The following COQ5 variants were observed in gnomAD, a reference collection of about 807,000 sequenced individuals.
COQ5 encodes the protein coenzyme Q5, methyltransferase.
In COQ5, 27 loss-of-function variants were observed where a neutral mutation model predicts 40.5. That is an observed-to-expected ratio of 0.67 (90% CI 0.49 to 0.92). COQ5 has a LOEUF of 0.92. COQ5 is among the 40% of genes least tolerant of loss of function. The probability of loss-of-function intolerance (pLI) is 0.00; values close to 1 mark genes in which losing one functional copy is unlikely to be tolerated. For synonymous variants in COQ5, 141 were observed against 150.0 expected (o/e 0.94, Z 0.44); for missense variants, 409 against 406.4 (o/e 1.01, Z -0.06).
chr12:120,527,552 A>G (rs910251320), intron 1 of COQ5, among the ~76,000 whole-genome samples: 2 of 152,144 alleles, frequency 1.3e-5, no homozygotes. Flanking sequence ...GTCTTGCATT[A>G]CTGTGCACAG....
chr12:120,510,363 G>A (rs908492231), intron 3 of COQ5, among the ~76,000 whole-genome samples: 11 of 152,052 alleles, frequency 7.2e-5, no homozygotes, highest in African/African-American at 2.4e-4. Flanking sequence ...ACCCAGGCTG[G>A]AGTACAGTGG....
intron 3 of COQ5, among the ~76,000 whole-genome samples, chr12:120,510,324 T>G (rs1022607776): frequency 2.0e-5 from 3 of 152,156 alleles, no homozygotes; most frequent in African/African-American, 7.2e-5. Flanking sequence ...TTATTATTTT[T>G]TTTAGACATG....
chr12:120,528,856 G>T (rs55848094), intron 1 of COQ5, 84 bp downstream of exon 1: 1 of 1,218,284 alleles, frequency 8.2e-7, no homozygotes, highest in African/African-American at 1.5e-5. Flanking sequence ...GAACTAATTG[G>T]ATGTTAAATC....
At chr12:120,508,714 T>C (rs1020511382) in intron 4 of COQ5, among the ~76,000 whole-genome samples, 2 of 152,156 alleles carry the variant, frequency 1.3e-5, no homozygotes, top group Non-Finnish European at 2.9e-5. Context: ...TTGTGCCTTT[T>C]GAACTTTGAA....
chr12:120,511,896 C>T (rs1229869576), intron 3 of COQ5, among the ~76,000 whole-genome samples: 1 of 152,126 alleles, frequency 6.6e-6, no homozygotes, highest in African/African-American at 2.4e-5. Context: ...ATGAAACATC[C>T]ATATGGAAGA....
In COQ5 at chr12:120,529,020, C is replaced by T; in HGVS notation, c.122G>A (p.Arg41Gln). Residue 41 changes from arginine to glutamine, a missense_variant, in exon 1 of 7, where the codon CGG becomes CAG. By Grantham distance (43) the Arg-to-Gln change is conservative. Transcript: ENST00000288532. ...TGCCCGCTTCTCTTGGGACAAGAGC[C>T]GAGCACTTAGTAGGTCCCCGGGCCA... ...SSWPGDLLSA[R>Q]LLSQEKRAAE... The T allele has an allele frequency of 6.2e-7, 1 of 1,614,108 alleles. No homozygotes were observed. The highest frequency in any genetic ancestry group is 8.5e-7 in the Non-Finnish European group (1 of 1,180,038).
intron 5 of COQ5, 111 bp from the exon 6 acceptor site, chr12:120,504,192 G>A: frequency 1.4e-6 from 1 of 734,770 alleles, no homozygotes; most frequent in South Asian, 1.4e-5. Context: ...ATGCCTATAG[G>A]GATCAAGCAA....
At position 120,526,549 on chromosome 12, in the gene COQ5, T is replaced by C. The variant is rs569315552; in HGVS notation, c.202+2391A>G. The C allele has an allele frequency of 1.9e-4, 84 of 444,500 alleles. 2 individuals carry two copies. The Middle Eastern group carries it at 8.6e-3, about 45-fold the overall frequency. 27.5% of individuals were successfully genotyped at this position (444,500 alleles called of 1,614,324 possible). On this transcript the variant is annotated intron_variant, in intron 1 of 6. Transcript: ENST00000288532. Reference sequence around the variant, plus strand: ...AAAACTTTCACATTAAAGGAGTTCTTGGAGGTATTTCATAACATTGAAAGC... The same window carrying C: ...AAAACTTTCACATTAAAGGAGTTCTCGGAGGTATTTCATAACATTGAAAGC...
chr12:120,525,358 A>C (rs1054981166), intron 1 of COQ5, among the ~76,000 whole-genome samples: 4 of 151,930 alleles, frequency 2.6e-5, no homozygotes, highest in Non-Finnish European at 5.9e-5. Context: ...CAGCCTCCCA[A>C]AGTACTGGGA....
At chr12:120,515,615 G>T (rs1869344767) in intron 3 of COQ5, among the ~76,000 whole-genome samples, 1 of 152,090 alleles carries the variant, frequency 6.6e-6, no homozygotes, top group South Asian at 2.1e-4. Flanking sequence ...GTGTGGCAGG[G>T]GAAACACAGA....
At chr12:120,514,089 T>C (rs1869268477) in intron 3 of COQ5, among the ~76,000 whole-genome samples, 2 of 152,188 alleles carry the variant, frequency 1.3e-5, no homozygotes, top group Admixed American at 1.3e-4. Context: ...TTCCGTTCTT[T>C]ATGGCTGAGT....
At chr12:120,508,432 G>C (rs755998715) in intron 4 of COQ5, among the ~76,000 whole-genome samples, 1 of 152,012 alleles carries the variant, frequency 6.6e-6, no homozygotes, top group Non-Finnish European at 1.5e-5. Context: ...TATACACCTT[G>C]GCACAAAACA....
Position 120,523,054 on chromosome 12 carries a change from A to G in COQ5, c.203-691T>C, listed in dbSNP as rs576666855. ...TCTTATAAAAAAAAAAGAGATTCTT[A>G]TCGGCCAGGCGCGGTGGCTCATGCC... On this transcript the variant is annotated intron_variant, in intron 1 of 6. Coordinates refer to ENST00000288532, the MANE Select transcript of COQ5 (RefSeq NM_032314.4). The G allele has an allele frequency of 1.1e-5, 5 of 438,356 alleles. No individual in the cohort carries two copies. The East Asian group carries it at 1.7e-4, about 15-fold the overall frequency. The allele number at this position is 438,356 out of a possible 1,614,324, so 27.2% of individuals were successfully genotyped here.
At position 120,524,959 on chromosome 12, in the gene COQ5, G is replaced by A. The variant is rs961031227; in HGVS notation, c.203-2596C>T. 3.3e-5 allele frequency among the ~76,000 whole-genome samples: 5 copies of A among 150,630 alleles called. No individual in the cohort carries two copies. In the East Asian group the frequency reaches 9.9e-4, roughly 30 times the overall value. On this transcript the variant is annotated intron_variant, in intron 1 of 6. Coordinates refer to ENST00000288532, the MANE Select transcript of COQ5 (RefSeq NM_032314.4). ...CCCAAGTAGCTGGGACTACAGGCACGTGCCACCATGCCCAGCTAATCTGTT... is the reference window on the plus strand; with the variant it reads ...CCCAAGTAGCTGGGACTACAGGCACATGCCACCATGCCCAGCTAATCTGTT...
At chr12:120,522,865 T>A in intron 1 of COQ5, 1 of 717,232 alleles carries the variant, frequency 1.4e-6, no homozygotes, top group Non-Finnish European at 2.5e-6. Flanking sequence ...CCCTTTGGGA[T>A]CTCGGGCTTA....
At chr12:120,507,094 G>A (rs901809535) in intron 4 of COQ5, among the ~76,000 whole-genome samples, 6 of 151,494 alleles carry the variant, frequency 4.0e-5, no homozygotes, top group Admixed American at 2.6e-4. Flanking sequence ...TCGGCCTCCC[G>A]AAGTGCTGGG....
intron 3 of COQ5, among the ~76,000 whole-genome samples, 170 bp from the exon 4 acceptor site, chr12:120,510,293 T>C (rs957149167): frequency 6.6e-6 from 1 of 152,134 alleles, no homozygotes; most frequent in Non-Finnish European, 1.5e-5. Context: ...ATATTTTTCC[T>C]TTTATATTTT....
chr12:120,528,871 C>T (rs1478258774), intron 1 of COQ5, 69 bp downstream of exon 1: 8 of 1,409,352 alleles, frequency 5.7e-6, no homozygotes, highest in Non-Finnish European at 8.1e-6. Flanking sequence ...TAAATCAACC[C>T]TAACTGGCCA....
intron 3 of COQ5, among the ~76,000 whole-genome samples, chr12:120,510,335 G>T (rs1394407133): frequency 6.6e-6 from 1 of 151,158 alleles, no homozygotes; most frequent in Non-Finnish European, 1.5e-5. Context: ...TTTAGACATG[G>T]GGAGGTCTTG....
Sources: gnomAD v4.1 joint callset for allele counts (sites outside exome capture counted in the v4.1 genomes callset) on GRCh38, gnomAD v4.1.1 for gene constraint, MANE v1.5 for transcripts, NCBI Gene and HGNC (gene_info 2026-07-23, HGNC 2026-07-21) for gene names.